Variants in HEATR5B observed in about 807,000 individuals in gnomAD.
HEATR5B encodes HEAT repeat-containing protein 5B.
Under a neutral mutation model 224.1 loss-of-function variants are expected in HEATR5B, and 156 were observed. The ratio of observed to expected loss-of-function variants is 0.70; its 90% CI spans 0.61 to 0.80. The LOEUF is 0.80. Among genes scored for constraint, HEATR5B ranks in the 30% least tolerant of loss-of-function variants. The pLI, the probability that HEATR5B is intolerant of heterozygous loss-of-function variation, is 0.00. For missense variants in HEATR5B, 2,323 were observed against 2,535.5 expected (o/e 0.92, Z 1.80); for synonymous variants, 1,027 against 893.0 (o/e 1.15, Z -2.68).
chr2:37,029,050 T>A, intron 22 of HEATR5B, 130 bp from the exon 23 acceptor site: 1 of 780,658 alleles, frequency 1.3e-6, no homozygotes, highest in Non-Finnish European at 2.0e-6. Context: ...ATATACAATT[T>A]AACTATGGCC....
At chr2:36,983,142 T>G (rs1293227072) in intron 35 of HEATR5B, among the ~76,000 whole-genome samples, 1 of 152,152 alleles carries the variant, frequency 6.6e-6, no homozygotes, top group Non-Finnish European at 1.5e-5. Context: ...CATATTAAGT[T>G]TTCAGAAAAG....
chr2:37,041,701 C>A (rs1162094729), intron 18 of HEATR5B, among the ~76,000 whole-genome samples: 1 of 151,936 alleles, frequency 6.6e-6, no homozygotes, highest in Non-Finnish European at 1.5e-5. Flanking sequence ...GCTGTGATCA[C>A]GCCACTGCAC....
Position 36,986,047 on chromosome 2 carries a change from A to C in HEATR5B, c.5911+2599T>G, listed in dbSNP as rs556783533. Among the ~76,000 whole-genome samples the C allele has an allele frequency of 3.9e-5, 6 of 152,320 alleles. No homozygotes were observed. In the South Asian group the frequency reaches 1.2e-3, roughly 32 times the overall value. ...TAACTCCAAATTAGGGTGCCTGTAA[A>C]GGAATTGATCCCAAGAGTCAACTCA... On this transcript the variant is annotated intron_variant, in intron 35 of 35. Coordinates refer to ENST00000233099, the MANE Select transcript of HEATR5B (RefSeq NM_019024.3).
intron 24 of HEATR5B, among the ~76,000 whole-genome samples, chr2:37,026,501 T>C (rs146155572): frequency 1.3e-4 from 20 of 152,322 alleles, no homozygotes; most frequent in East Asian, 5.8e-4. Context: ...CCTGGCTTTA[T>C]AGGAAATGAA....
chr2:36,999,762 T>C lies in HEATR5B; in HGVS notation c.5545+824A>G, dbSNP rs530161657. On this transcript the variant is annotated intron_variant, in intron 33 of 35. Coordinates refer to ENST00000233099, the MANE Select transcript of HEATR5B (RefSeq NM_019024.3). ...GTGCGGTAGCTCACGTCTGTAATGC[T>C]AGCAACTTTGGGAGGCCAAGGCAGG... Among the ~76,000 whole-genome samples, 49 of 151,448 alleles carry C rather than the reference T, an allele frequency of 3.2e-4. No individual in the cohort carries two copies. In the South Asian group the frequency reaches 0.01, roughly 31 times the overall value.
intron 33 of HEATR5B, among the ~76,000 whole-genome samples, chr2:36,999,829 C>A (rs1405882571): frequency 6.6e-6 from 1 of 151,766 alleles, no homozygotes. Context: ...CTGACCAACA[C>A]GGTGAAACCA....
chr2:37,007,786 G>C (rs897748596), intron 28 of HEATR5B, among the ~76,000 whole-genome samples: 1 of 152,154 alleles, frequency 6.6e-6, no homozygotes, highest in Admixed American at 6.5e-5. Context: ...TGGAATACCT[G>C]TCTCTTCCTC....
chr2:37,007,019 A>G, intron 29 of HEATR5B, 31 bp downstream of exon 29: 1 of 1,595,824 alleles, frequency 6.3e-7, no homozygotes, highest in Non-Finnish European at 8.6e-7. Flanking sequence ...AGAAGTGATA[A>G]TCTTGAAATA....
At chr2:37,000,905 G>A in intron 32 of HEATR5B, 92 bp from the exon 33 acceptor site, 1 of 783,816 alleles carries the variant, frequency 1.3e-6, no homozygotes. Context: ...TTTGATTGTG[G>A]TTTAATATTG....
At chr2:37,062,760 G>C (rs1438589039) in intron 10 of HEATR5B, among the ~76,000 whole-genome samples, 1 of 152,082 alleles carries the variant, frequency 6.6e-6, no homozygotes, top group African/African-American at 2.4e-5. Context: ...TGTCTTCTAA[G>C]ACTGTAAGCT....
rs369612034 is a variant in HEATR5B at position 37,000,749 on chromosome 2, T to C, written c.5382A>G (p.Ile1794Met). The C allele has an allele frequency of 3.3e-5, 54 of 1,614,084 alleles. 1 individual carries two copies. In the East Asian group the frequency reaches 5.3e-4, roughly 16 times the overall value. Residue 1794 changes from isoleucine to methionine, a missense_variant, in exon 33 of 36, where the codon ATA (isoleucine) becomes ATG (methionine). Physicochemically the swap from Ile to Met is conservative, Grantham distance 10 (BLOSUM62 1). Around this residue, in one of 12 missense-constraint regions of HEATR5B, gnomAD observed 844 missense variants for 812.9 expected, o/e 1.04. Coordinates refer to ENST00000233099, the MANE Select transcript of HEATR5B (RefSeq NM_019024.3). ...GAGGAACCTGATTATCTGCAGACTT[T>C]ATTGCTGTGTCTTTCAATATTCTTG... is the stretch of plus-strand genomic sequence containing the variant. ...LIARILKDTA[I>M]KSADNQVPPP...
intron 22 of HEATR5B, among the ~76,000 whole-genome samples, chr2:37,029,630 C>T (rs913513779): frequency 1.3e-5 from 2 of 151,710 alleles, no homozygotes; most frequent in African/African-American, 2.4e-5. Flanking sequence ...TGCCATTGCA[C>T]TCCAGCCTGG....
intron 27 of HEATR5B, among the ~76,000 whole-genome samples, chr2:37,011,399 G>C (rs1242019679): frequency 2.6e-5 from 4 of 152,142 alleles, no homozygotes; most frequent in Non-Finnish European, 4.4e-5. Flanking sequence ...GCAGGCAATG[G>C]GGAAGCAAGG....
chr2:37,022,940 G>A (rs1451493520), intron 24 of HEATR5B, among the ~76,000 whole-genome samples: 1 of 151,948 alleles, frequency 6.6e-6, no homozygotes, highest in Non-Finnish European at 1.5e-5. Context: ...CAAAGAAGTA[G>A]GGAAATATGT....
At chr2:37,068,951 G>A (rs371829666) in intron 7 of HEATR5B, 21 bp from the exon 8 acceptor site, 28 of 1,603,604 alleles carry the variant, frequency 1.7e-5, no homozygotes, top group Admixed American at 6.7e-5. Flanking sequence ...AGGAAGGTAC[G>A]ACTTCAGATA....
intron 21 of HEATR5B, among the ~76,000 whole-genome samples, chr2:37,035,957 G>C (rs542096866): frequency 6.5e-4 from 99 of 152,186 alleles, no homozygotes; most frequent in African/African-American, 2.3e-3. Context: ...CAAAAACCTA[G>C]GCCACATCCT....
At chr2:37,073,426 T>A (rs964368435) in intron 5 of HEATR5B, among the ~76,000 whole-genome samples, 4 of 152,130 alleles carry the variant, frequency 2.6e-5, no homozygotes, top group Non-Finnish European at 5.9e-5. Flanking sequence ...TTATTTTTAG[T>A]AGAGATGGGG....
At position 37,072,297 on chromosome 2, in the gene HEATR5B, A is replaced by G. The variant is rs1671952815; in HGVS notation, c.598-16T>C. 4 of 1,575,222 alleles carry G rather than the reference A, an allele frequency of 2.5e-6. No homozygotes were observed. The highest frequency in any genetic ancestry group is 3.5e-6 in the Non-Finnish European group (4 of 1,150,000). ...CTAGTAGACACTGGAATTAAAAACA[A>G]AAAAGTAAATAACATCCTATAACAT... On this transcript the variant is annotated splice_polypyrimidine_tract_variant and intron_variant, in intron 5 of 35. Transcript: ENST00000233099.
At chr2:37,055,309 A>G (rs1391632957) in intron 16 of HEATR5B, among the ~76,000 whole-genome samples, 1 of 151,950 alleles carries the variant, frequency 6.6e-6, no homozygotes, top group Non-Finnish European at 1.5e-5. Flanking sequence ...TTTTTAATAG[A>G]ATTTATTTAT....
Sources: allele counts gnomAD v4.1 joint callset (sites outside exome capture counted in the v4.1 genomes callset), GRCh38; gene constraint gnomAD v4.1.1; regional missense constraint gnomAD v4.1.1; transcripts MANE v1.5; gene names NCBI Gene and HGNC (gene_info 2026-07-23, HGNC 2026-07-21).